FASTKD2: variants seen among roughly 807,000 people sequenced by gnomAD.
FASTKD2 encodes the protein FAST kinase domain-containing protein 2, mitochondrial.
In FASTKD2, 51 loss-of-function variants were observed where a neutral mutation model predicts 63.6. The observed-to-expected ratio is 0.80, with a 90% CI of 0.64 to 1.01. The LOEUF (loss-of-function observed/expected upper bound fraction) is 1.01, where lower values mean the gene tolerates loss of function less well. Ranked by LOEUF, FASTKD2 falls within the 50% of genes least tolerant of loss-of-function variation. The probability of loss-of-function intolerance (pLI) is 0.00; values close to 1 mark genes in which losing one functional copy is unlikely to be tolerated. For synonymous variants in FASTKD2, 284 were observed against 293.4 expected, an observed-to-expected ratio of 0.97 and a Z score of 0.33; for missense variants, 786 against 831.1, an observed-to-expected ratio of 0.95 and a Z score of 0.67.
Position 206,772,336 on chromosome 2 carries a change from A to G in FASTKD2, c.1254+16A>G, listed in dbSNP as rs775839076. 2.5e-6 allele frequency: 4 copies of G among 1,612,074 alleles called. No individual in the cohort carries two copies. In the Admixed American group the frequency reaches 5.0e-5, roughly 20 times the overall value. On this transcript the variant is annotated intron_variant, in intron 6 of 11. Coordinates refer to ENST00000402774, the MANE Select transcript of FASTKD2 (RefSeq NM_001136193.2). ...GTTCAGAAAAGTGAGTACATTAACA[A>G]TTTAGAATAAGCCTCACAAACTTTT...
chr2:206,775,911 T>A (rs1165667248), intron 7 of FASTKD2, among the ~76,000 whole-genome samples: 10 of 151,956 alleles, frequency 6.6e-5, no homozygotes, highest in Admixed American at 6.6e-4. Context: ...GTTTTGTTTT[T>A]TTGATAATGG....
chr2:206,783,874 T>C (rs114921519), intron 7 of FASTKD2, among the ~76,000 whole-genome samples: 11 of 152,076 alleles, frequency 7.2e-5, no homozygotes, highest in Non-Finnish European at 1.3e-4. Flanking sequence ...ATGGAGATGG[T>C]TTTTAGTTGC....
chr2:206,782,079 C>T (rs1210713896), intron 7 of FASTKD2, among the ~76,000 whole-genome samples: 1 of 152,178 alleles, frequency 6.6e-6, no homozygotes, highest in Non-Finnish European at 1.5e-5. Flanking sequence ...TGCTCTCAGG[C>T]ATCTGAACCC....
intron 4 of FASTKD2, among the ~76,000 whole-genome samples, chr2:206,771,647 T>C (rs1689684308): frequency 8.7e-6 from 1 of 114,452 alleles, no homozygotes; most frequent in Non-Finnish European, 1.7e-5. Context: ...CAAGACCCTG[T>C]CTCTGCAAAA....
chr2:206,783,767 A>C (rs961378111), intron 7 of FASTKD2, among the ~76,000 whole-genome samples: 12 of 152,200 alleles, frequency 7.9e-5, no homozygotes, highest in African/African-American at 2.9e-4. Context: ...GAGGAGAATC[A>C]TGAATGTTGT....
At position 206,772,259 on chromosome 2, in the gene FASTKD2, A is replaced by T. The variant is rs140778319; in HGVS notation, c.1193A>T (p.Asp398Val). 8.8e-5 allele frequency: 142 copies of T among 1,614,012 alleles called. No individual in the cohort carries two copies. The highest frequency in any genetic ancestry group is 8.0e-4 in the Admixed American group (48 of 60,036). ...SCKDLQYHNL[D>V]LFKGLADYVA... ...AAAGACCTCCAGTACCATAATTTGG[A>T]TCTCTTCAAGGGACTTGCAGATTAT... Residue 398 changes from aspartate to valine, a missense_variant, in exon 6 of 12, where the codon GAT becomes GTT. Asp to Val is a radical substitution (Grantham distance 152). Coordinates refer to ENST00000402774, the MANE Select transcript of FASTKD2 (RefSeq NM_001136193.2).
Position 206,772,367 on chromosome 2 carries a change from A to T in FASTKD2, c.1254+47A>T, listed in dbSNP as rs958733764. 2.0e-6 allele frequency: 3 copies of T among 1,537,872 alleles called. No individual in the cohort carries two copies. In the African/African-American group the frequency reaches 4.1e-5, roughly 21 times the overall value. ...AATAAGCCTCACAAACTTTTAAAAC[A>T]CTAATTCATGTAGCATTTTAAGTAT... On this transcript the variant is annotated intron_variant, in intron 6 of 11. Coordinates refer to ENST00000402774, the MANE Select transcript of FASTKD2 (RefSeq NM_001136193.2).
At position 206,771,230 on chromosome 2, in the gene FASTKD2, A is replaced by G. The variant is rs769850733; in HGVS notation, c.930A>G (p.Leu310=). The stretch of plus-strand genomic sequence containing the variant: ...GGAAAATAGAAGATGTCTTCACATT[A>G]CAAGTTGTGATGAAGTGTATTGGAA... The part of the protein sequence containing the change: ...QVWKIEDVFT[L]QVVMKCIGKD... The change falls in exon 4 of 12, where the codon TTA becomes TTG. Residue 310 remains leucine, a synonymous_variant. Transcript: ENST00000402774. 3 of 1,612,106 alleles carry G rather than the reference A, an allele frequency of 1.9e-6. No homozygotes were observed. Among genetic ancestry groups the G allele is most frequent in the Non-Finnish European group, 1.7e-6 (2 of 1,178,232 alleles).
Position 206,795,415 on chromosome 2 carries a change from G to A in FASTKD2, c.*3613G>A, listed in dbSNP as rs1418082017. On this transcript the variant is annotated 3_prime_UTR_variant, in exon 12 of 12. Coordinates refer to ENST00000402774, the MANE Select transcript of FASTKD2 (RefSeq NM_001136193.2). ...TGCCCGGCTAATTTTTGTATTTTTA[G>A]CAGAAACAGGGTTTCACCATGTTAG... 6.6e-6 allele frequency among the ~76,000 whole-genome samples: 1 copy of A among 152,130 alleles called. No homozygotes were observed. Among genetic ancestry groups the A allele is most frequent in the East Asian group, 1.9e-4 (1 of 5,182 alleles).
Position 206,766,920 on chromosome 2 carries a change from A to C in FASTKD2, c.227A>C (p.Tyr76Ser), listed in dbSNP as rs1689509009. ...NRMQSTDIIR[Y>S]LFQDAFIFKS... ...ATGCAATCAACTGATATCATTAGAT[A>C]TCTCTTTCAGGATGCATTCATTTTT... Residue 76 changes from tyrosine to serine, a missense_variant, in exon 2 of 12, where the codon TAT (tyrosine) becomes TCT (serine). Tyr to Ser is a moderately radical substitution (Grantham distance 144). Transcript: ENST00000402774. The C allele has an allele frequency of 6.2e-7, 1 of 1,601,158 alleles. No individual in the cohort carries two copies. Among genetic ancestry groups the C allele is most frequent in the Non-Finnish European group, 8.5e-7 (1 of 1,172,194 alleles).
At chr2:206,769,675 A>C (rs1289251828) in intron 2 of FASTKD2, among the ~76,000 whole-genome samples, 1 of 152,216 alleles carries the variant, frequency 6.6e-6, no homozygotes, top group Non-Finnish European at 1.5e-5. Flanking sequence ...CAACCATTTA[A>C]GGATCTTTAG....
At chr2:206,790,752 T>C (rs1690262760) in intron 11 of FASTKD2, 66 bp downstream of exon 11, 1 of 978,450 alleles carries the variant, frequency 1.0e-6, no homozygotes, top group Non-Finnish European at 1.7e-6. Flanking sequence ...CTGCCAGGAA[T>C]CTTGTGGTTG....
chr2:206,766,186 G>A (rs542292235), intron 1 of FASTKD2, among the ~76,000 whole-genome samples: 2 of 149,910 alleles, frequency 1.3e-5, no homozygotes, highest in South Asian at 4.2e-4. Context: ...CTTGAACCTG[G>A]GAGGTGGAGG....
At chr2:206,777,231 A>AGTAG (rs1202782848) in intron 7 of FASTKD2, among the ~76,000 whole-genome samples, 1 of 152,138 alleles carries the variant, frequency 6.6e-6, no homozygotes, top group Admixed American at 6.5e-5. Flanking sequence ...AAGTGATGAG[A>AGTAG]GTAGGCATCC....
At chr2:206,783,845 A>T (rs186345936) in intron 7 of FASTKD2, among the ~76,000 whole-genome samples, 2 of 152,300 alleles carry the variant, frequency 1.3e-5, no homozygotes, top group African/African-American at 4.8e-5. Context: ...TTTGCCTCCC[A>T]GGGGACATTT....
rs1559365853 is a variant in FASTKD2, at chr2:206,786,915, A to G, written c.1594+16A>G. The G allele has an allele frequency of 6.7e-7, 1 of 1,502,278 alleles. No individual in the cohort carries two copies. The highest frequency in any genetic ancestry group is 9.1e-7 in the Non-Finnish European group (1 of 1,098,048). 93.1% of individuals were successfully genotyped at this position (1,502,278 alleles called of 1,614,324 possible). A position where few individuals can be genotyped will look rare whatever the true frequency, so the allele number is the denominator to read the frequency against. The stretch of plus-strand genomic sequence containing the variant: ...CTGACATCAGGTAGGATGTTAGTGC[A>G]GAATTGGTCACCAATTGTGACCAAT... On this transcript the variant is annotated intron_variant, in intron 8 of 11. Transcript: ENST00000402774.
intron 2 of FASTKD2, among the ~76,000 whole-genome samples, chr2:206,769,495 A>C (rs1390594277): frequency 6.6e-6 from 1 of 152,228 alleles, no homozygotes; most frequent in African/African-American, 2.4e-5. Flanking sequence ...TTCTGGAATC[A>C]AACTTAGTAC....
intron 7 of FASTKD2, among the ~76,000 whole-genome samples, chr2:206,776,063 T>A (rs1157049680): frequency 3.3e-5 from 5 of 151,714 alleles, no homozygotes; most frequent in Non-Finnish European, 7.4e-5. Flanking sequence ...CCTTTGCCTA[T>A]TTTTAAATCA....
intron 7 of FASTKD2, among the ~76,000 whole-genome samples, chr2:206,776,986 G>C (rs1481801846): frequency 1.3e-5 from 2 of 149,922 alleles, no homozygotes; most frequent in Non-Finnish European, 3.0e-5. Flanking sequence ...TTTCTTTGTA[G>C]TTTTCAATAT....
Sources: allele counts gnomAD v4.1 joint callset (sites outside exome capture counted in the v4.1 genomes callset), GRCh38; gene constraint gnomAD v4.1.1; transcripts MANE v1.5; gene names NCBI Gene and HGNC (gene_info 2026-07-23, HGNC 2026-07-21).